CTNNA3: variants seen among roughly 807,000 people sequenced by gnomAD.
CTNNA3 encodes the protein catenin alpha 3.
Under a neutral mutation model 95.7 loss-of-function variants are expected in CTNNA3, and 76 were observed. The observed-to-expected ratio is 0.79, with a 90% CI of 0.66 to 0.96. The LOEUF (loss-of-function observed/expected upper bound fraction) is 0.96. Ranked by LOEUF, CTNNA3 falls within the 40% of genes least tolerant of loss-of-function variation. The probability of loss-of-function intolerance (pLI) is 0.00; values close to 1 mark genes in which losing one functional copy is unlikely to be tolerated. For synonymous variants in CTNNA3, 431 were observed against 374.4 expected, an observed-to-expected ratio of 1.15 and a Z score of -1.74; for missense variants, 1,191 against 1,089.8, an observed-to-expected ratio of 1.09 and a Z score of -1.31.
At chr10:67,530,488 TG>T (rs981874639) in intron 4 of CTNNA3, among the ~76,000 whole-genome samples, 2 of 152,210 alleles carry the variant, frequency 1.3e-5, no homozygotes, top group Non-Finnish European at 2.9e-5. Flanking sequence ...CCTAGAGATT[TG>T]TGGAAATTTG....
intron 1 of CTNNA3, among the ~76,000 whole-genome samples, chr10:67,714,182 C>A (rs1050572276): frequency 1.3e-5 from 2 of 152,130 alleles, no homozygotes; most frequent in Non-Finnish European, 2.9e-5. Context: ...TCCTCCAGAC[C>A]CCAGAATGGT....
At chr10:66,838,500 C>T (rs143046956) in intron 7 of CTNNA3, among the ~76,000 whole-genome samples, 30 of 152,100 alleles carry the variant, frequency 2.0e-4, no homozygotes, top group African/African-American at 7.2e-4. Flanking sequence ...TAGTGGATGC[C>T]TGAAGAGCTA....
chr10:66,883,816 A>C (rs555630636), intron 7 of CTNNA3, among the ~76,000 whole-genome samples: 3 of 152,294 alleles, frequency 2.0e-5, no homozygotes, highest in African/African-American at 7.2e-5. Context: ...AGAAGATGTG[A>C]GAGAGATGAA....
At chr10:66,118,166 C>A (rs928143944) in intron 13 of CTNNA3, 2 of 152,148 alleles carry the variant, frequency 1.3e-5, no homozygotes, top group Non-Finnish European at 2.9e-5. Context: ...AAAGCAATTA[C>A]AAATAATCAT....
At chr10:66,947,148 T>C (rs902231599) in intron 7 of CTNNA3, among the ~76,000 whole-genome samples, 5 of 152,072 alleles carry the variant, frequency 3.3e-5, no homozygotes, top group African/African-American at 9.7e-5. Flanking sequence ...TAGAAAAAAC[T>C]TGCATAAACT....
At chr10:66,337,804 A>G (rs2092412833) in intron 12 of CTNNA3, among the ~76,000 whole-genome samples, 1 of 152,126 alleles carries the variant, frequency 6.6e-6, no homozygotes, top group Non-Finnish European at 1.5e-5. Flanking sequence ...ACTGATGGGA[A>G]TATAAAATGG....
At chr10:66,678,868 G>A (rs1846963773) in intron 9 of CTNNA3, among the ~76,000 whole-genome samples, 1 of 152,072 alleles carries the variant, frequency 6.6e-6, no homozygotes, top group Admixed American at 6.6e-5. Context: ...TCAGTTTTAT[G>A]TGTTTGGTGG....
intron 11 of CTNNA3, among the ~76,000 whole-genome samples, chr10:66,485,571 C>T (rs1306466194): frequency 6.6e-6 from 1 of 151,964 alleles, no homozygotes; most frequent in African/African-American, 2.4e-5. Context: ...AATTATAAAA[C>T]ATTGATGAAA....
chr10:65,915,790 G>A lies in CTNNA3; in HGVS notation c.*4540C>T, dbSNP rs2076999993. Reference sequence around the variant, plus strand: ...TTAGGGGGAAAATATTCACATGCAAGAAGACTAGTGTTTTAAACTATTCTT... The same window carrying A: ...TTAGGGGGAAAATATTCACATGCAAAAAGACTAGTGTTTTAAACTATTCTT... On this transcript the variant is annotated 3_prime_UTR_variant, in exon 18 of 18. Coordinates refer to ENST00000433211, the MANE Select transcript of CTNNA3 (RefSeq NM_013266.4). 1 of 152,148 alleles carries A rather than the reference G, an allele frequency of 6.6e-6. No individual in the cohort carries two copies. The highest frequency in any genetic ancestry group is 1.9e-4 in the East Asian group (1 of 5,198). 9.4% of individuals were successfully genotyped at this position (152,148 alleles called of 1,614,324 possible). A position where few individuals can be genotyped will look rare whatever the true frequency, so the allele number is the denominator to read the frequency against.
chr10:66,987,951 T>C (rs1312336298), intron 7 of CTNNA3, among the ~76,000 whole-genome samples: 1 of 152,182 alleles, frequency 6.6e-6, no homozygotes, highest in East Asian at 1.9e-4. Context: ...AAAACATTTC[T>C]ATCATAACAA....
chr10:66,379,226 C>T lies in CTNNA3; in HGVS notation c.1658G>A (p.Gly553Asp), dbSNP rs991911862. The T allele has an allele frequency of 4.3e-6, 7 of 1,614,116 alleles. No homozygotes were observed. The highest frequency in any genetic ancestry group is 5.9e-6 in the Non-Finnish European group (7 of 1,179,990). The change falls in exon 12 of 18, where the codon GGT becomes GAT. Residue 553 changes from glycine to aspartate, a missense_variant. Physicochemically the swap from Gly to Asp is moderately conservative, Grantham distance 94. Coordinates refer to ENST00000433211, the MANE Select transcript of CTNNA3 (RefSeq NM_013266.4). ...CCCTGGCTCGTAACTGTCCATTTCACCCGTGACGATGTGAGCAACTCTTGC... is the reference window on the plus strand; with the variant it reads ...CCCTGGCTCGTAACTGTCCATTTCATCCGTGACGATGTGAGCAACTCTTGC... ...RAARVAHIVT[G>D]EMDSYEPGAY... is the part of the protein sequence containing the mutation.
chr10:66,904,348 T>C lies in CTNNA3; in HGVS notation c.1048-128824A>G, dbSNP rs147241808. 4.3e-3 allele frequency among the ~76,000 whole-genome samples: 659 copies of C among 152,108 alleles called. 3 individuals are homozygous for C. Among genetic ancestry groups the C allele is most frequent in the African/African-American group, 0.013 (524 of 41,508 alleles). On this transcript the variant is annotated intron_variant, in intron 7 of 17. Transcript: ENST00000433211. Reference sequence around the variant, plus strand: ...GCTGAAACTGGATCCCTTCCTTACATCTTATACAAAAATTAATTCAAGATG... The same window carrying C: ...GCTGAAACTGGATCCCTTCCTTACACCTTATACAAAAATTAATTCAAGATG...
At chr10:66,480,566 G>T (rs1040592213) in intron 11 of CTNNA3, among the ~76,000 whole-genome samples, 1 of 151,960 alleles carries the variant, frequency 6.6e-6, no homozygotes, top group Non-Finnish European at 1.5e-5. Flanking sequence ...TGACTCCAAT[G>T]ATATTACATA....
At chr10:66,340,825 A>G (rs1166295619) in intron 12 of CTNNA3, among the ~76,000 whole-genome samples, 3 of 151,808 alleles carry the variant, frequency 2.0e-5, no homozygotes, top group Non-Finnish European at 4.4e-5. Context: ...AGGTGAAGTA[A>G]TATCCAAAGG....
intron 12 of CTNNA3, among the ~76,000 whole-genome samples, chr10:66,287,037 G>A (rs1045586224): frequency 6.6e-5 from 10 of 151,920 alleles, no homozygotes; most frequent in Non-Finnish European, 1.0e-4. Context: ...GCTTCTCTGC[G>A]AAACTTCCCT....
At chr10:66,937,286 T>A (rs916712949) in intron 7 of CTNNA3, among the ~76,000 whole-genome samples, 1 of 152,156 alleles carries the variant, frequency 6.6e-6, no homozygotes, top group African/African-American at 2.4e-5. Flanking sequence ...GTAGTTATCA[T>A]GGGATTGTTG....
chr10:66,745,125 C>T (rs1358544784), intron 9 of CTNNA3, among the ~76,000 whole-genome samples: 1 of 152,192 alleles, frequency 6.6e-6, no homozygotes, highest in Non-Finnish European at 1.5e-5. Flanking sequence ...ATGCTGTCAT[C>T]ACATTCTTAG....
At position 67,690,168 on chromosome 10, in the gene CTNNA3, C is replaced by A. The variant is rs1424239872; in HGVS notation, c.-6+5832G>T. Reference sequence around the variant, plus strand: ...CTGACTTCAGGAGTGAAGCCACAGACCTTCACAGTGAGTGTTACGGCTCTT... The same window carrying A: ...CTGACTTCAGGAGTGAAGCCACAGAACTTCACAGTGAGTGTTACGGCTCTT... On this transcript the variant is annotated intron_variant, in intron 1 of 17. Transcript: ENST00000433211. Among the ~76,000 whole-genome samples, 4 of 152,242 alleles carry A rather than the reference C, an allele frequency of 2.6e-5. No homozygotes were observed. In the East Asian group the frequency reaches 7.7e-4, roughly 29 times the overall value.
At chr10:65,962,811 G>C (rs1016192682) in intron 17 of CTNNA3, among the ~76,000 whole-genome samples, 1 of 151,786 alleles carries the variant, frequency 6.6e-6, no homozygotes, top group African/African-American at 2.4e-5. Context: ...GTGGTGTTCG[G>C]TTTTCTGTTC....
Sources: allele counts gnomAD v4.1 joint callset (sites outside exome capture counted in the v4.1 genomes callset), GRCh38; gene constraint gnomAD v4.1.1; transcripts MANE v1.5; gene names NCBI Gene and HGNC (gene_info 2026-07-23, HGNC 2026-07-21).